Variants in SLC17A6 observed in about 807,000 individuals in gnomAD.
SLC17A6 encodes the protein solute carrier family 17 member 6, also known as vesicular glutamate transporter 2.
In SLC17A6, 35 loss-of-function variants were observed where a neutral mutation model predicts 67.1. The observed-to-expected ratio is 0.52, with a 90% CI of 0.40 to 0.69. The LOEUF (loss-of-function observed/expected upper bound fraction) is 0.69. Ranked by LOEUF, SLC17A6 falls within the 30% of genes least tolerant of loss-of-function variation. The pLI is 0.00. For missense variants in SLC17A6, 588 were observed against 723.9 expected, an observed-to-expected ratio of 0.81 and a Z score of 2.15; for synonymous variants, 285 against 252.3, an observed-to-expected ratio of 1.13 and a Z score of -1.23.
chr11:22,355,320 A>G (rs1286563124), intron 3 of SLC17A6, among the ~76,000 whole-genome samples: 2 of 152,218 alleles, frequency 1.3e-5, no homozygotes, highest in Non-Finnish European at 2.9e-5. Context: ...TACTAGTTAC[A>G]TAATTATTAA....
intron 8 of SLC17A6, 38 bp downstream of exon 8, chr11:22,370,226 C>G (rs764920910): frequency 6.5e-7 from 1 of 1,543,036 alleles, no homozygotes; most frequent in South Asian, 1.2e-5. Flanking sequence ...TGTGGATTAC[C>G]TGTGTATTTA....
At chr11:22,375,895 C>T in intron 9 of SLC17A6, 87 bp from the exon 10 acceptor site, 2 of 769,944 alleles carry the variant, frequency 2.6e-6, no homozygotes, top group African/African-American at 1.7e-5. Context: ...ATTTCTAGGT[C>T]AATAAGTTGG....
intron 11 of SLC17A6, 123 bp from the exon 12 acceptor site, chr11:22,377,282 G>A (rs1856241648): frequency 1.3e-6 from 1 of 758,084 alleles, no homozygotes; most frequent in Admixed American, 2.9e-5. Context: ...TACATAATCA[G>A]GATATGGATT....
At chr11:22,351,295 T>C (rs1214562887) in intron 3 of SLC17A6, among the ~76,000 whole-genome samples, 1 of 152,144 alleles carries the variant, frequency 6.6e-6, no homozygotes, top group Non-Finnish European at 1.5e-5. Context: ...TGTGGATAGA[T>C]TGTGTAATAG....
intron 3 of SLC17A6, among the ~76,000 whole-genome samples, chr11:22,350,661 C>CT (rs779959863): frequency 2.6e-5 from 4 of 151,980 alleles, no homozygotes; most frequent in East Asian, 3.9e-4. Context: ...CATTTCTTTC[C>CT]TTTTTTTCCC....
intron 8 of SLC17A6, 101 bp downstream of exon 8, chr11:22,370,289 T>G: frequency 1.1e-6 from 1 of 883,680 alleles, no homozygotes; most frequent in Non-Finnish European, 1.7e-6. Flanking sequence ...TTTCAGAGAT[T>G]ATTCATTTAT....
chr11:22,375,036 C>T, intron 9 of SLC17A6, 149 bp downstream of exon 9: 1 of 843,204 alleles, frequency 1.2e-6, no homozygotes, highest in Non-Finnish European at 1.7e-6. Context: ...CCTCATATTA[C>T]ATCAAATTTT....
At chr11:22,365,894 T>C (rs1900586) in intron 7 of SLC17A6, among the ~76,000 whole-genome samples, 32,184 of 152,050 alleles carry the variant, frequency 0.21, 3,926 homozygotes, top group East Asian at 0.38. Flanking sequence ...TTATCCTTTC[T>C]TAAGCATTTA....
At chr11:22,354,242 C>G (rs1031300771) in intron 3 of SLC17A6, among the ~76,000 whole-genome samples, 1 of 152,024 alleles carries the variant, frequency 6.6e-6, no homozygotes, top group Non-Finnish European at 1.5e-5. Context: ...CACCGCCACA[C>G]GCAGCTAATT....
intron 3 of SLC17A6, among the ~76,000 whole-genome samples, chr11:22,357,650 A>G (rs540242178): frequency 6.6e-6 from 1 of 152,348 alleles, no homozygotes; most frequent in African/African-American, 2.4e-5. Context: ...AGACAATCGT[A>G]TTTACAAACC....
At chr11:22,364,731 T>A (rs1435981144) in intron 6 of SLC17A6, among the ~76,000 whole-genome samples, 1 of 152,100 alleles carries the variant, frequency 6.6e-6, no homozygotes, top group Admixed American at 6.6e-5. Flanking sequence ...AAAAATGAAA[T>A]GGCCAACTGC....
intron 1 of SLC17A6, among the ~76,000 whole-genome samples, chr11:22,339,854 C>A (rs555175296): frequency 6.6e-6 from 1 of 152,052 alleles, no homozygotes; most frequent in South Asian, 2.1e-4. Context: ...CAACTGCCAT[C>A]CGGTGCAGAG....
intron 11 of SLC17A6, 142 bp downstream of exon 11, chr11:22,376,814 G>T (rs1054358085): frequency 6.1e-6 from 5 of 813,028 alleles, no homozygotes; most frequent in Non-Finnish European, 9.7e-6. Flanking sequence ...TATAAATGAG[G>T]CTCAGAATAC....
In SLC17A6 at chr11:22,377,485, C is replaced by T. The variant is rs375482847; in HGVS notation, c.1494C>T (p.Ala498=). The T allele has an allele frequency of 1.5e-5, 25 of 1,614,038 alleles. No homozygotes were observed. The highest frequency in any genetic ancestry group is 1.6e-5 in the Non-Finnish European group (19 of 1,180,002). The change falls in exon 12 of 12, where the codon GCC becomes GCT. Residue 498 remains alanine (A), a synonymous_variant. Transcript: ENST00000263160. ...GAGTTATATTTTATGCAATATTTGC[C>T]TCAGGAGAGAAACAACCCTGGGCAG... ...YGGVIFYAIF[A]SGEKQPWADP... is the part of the protein sequence containing the mutation.
At chr11:22,377,058 T>A (rs556619722) in intron 11 of SLC17A6, among the ~76,000 whole-genome samples, 1 of 152,258 alleles carries the variant, frequency 6.6e-6, no homozygotes, top group South Asian at 2.1e-4. Flanking sequence ...CTTATATGTG[T>A]ATGCAGAGCT....
At chr11:22,369,049 G>A (rs1468574289) in intron 7 of SLC17A6, among the ~76,000 whole-genome samples, 1 of 149,472 alleles carries the variant, frequency 6.7e-6, no homozygotes, top group Non-Finnish European at 1.5e-5. Flanking sequence ...AAATCCACGT[G>A]AAAGGTGTTT....
At chr11:22,355,869 A>G (rs990696391) in intron 3 of SLC17A6, among the ~76,000 whole-genome samples, 2 of 152,182 alleles carry the variant, frequency 1.3e-5, no homozygotes. Flanking sequence ...GACTTGGTCA[A>G]TTCAGCTGAG....
intron 3 of SLC17A6, among the ~76,000 whole-genome samples, chr11:22,356,532 G>A (rs1432130015): frequency 6.6e-6 from 1 of 152,070 alleles, no homozygotes; most frequent in African/African-American, 2.4e-5. Context: ...ATGAAAAAAA[G>A]GATAGATAAA....
At chr11:22,342,082 A>G (rs1855821966) in intron 2 of SLC17A6, among the ~76,000 whole-genome samples, 3 of 152,278 alleles carry the variant, frequency 2.0e-5, no homozygotes. Context: ...CTAAGTCTAA[A>G]TAGAAGTGTG....
Sources: allele counts gnomAD v4.1 joint callset (sites outside exome capture counted in the v4.1 genomes callset), GRCh38; gene constraint gnomAD v4.1.1; transcripts MANE v1.5; gene names NCBI Gene and HGNC (gene_info 2026-07-23, HGNC 2026-07-21).